LRMDA: variants seen among roughly 807,000 people sequenced by gnomAD.
LRMDA encodes the protein leucine rich melanocyte differentiation associated, also known as leucine-rich melanocyte differentiation-associated protein.
LRMDA carries 18 observed loss-of-function variants against 29.8 expected under a neutral mutation model. The ratio of observed to expected loss-of-function variants is 0.60; its 90% CI spans 0.42 to 0.90. LRMDA has a LOEUF of 0.90. LRMDA is among the 40% of genes least tolerant of loss of function. LRMDA has a pLI of 0.00. For synonymous variants in LRMDA, 125 were observed against 109.4 expected (o/e 1.14, Z -0.89); for missense variants, 273 against 273.9 (o/e 1.00, Z 0.02).
intron 2 of LRMDA, among the ~76,000 whole-genome samples, chr10:75,598,319 C>T (rs1589197893): frequency 6.6e-6 from 1 of 152,106 alleles, no homozygotes; most frequent in Non-Finnish European, 1.5e-5. Flanking sequence ...GTGCTCGTCT[C>T]TCCCTGGGCT....
chr10:76,529,230 T>G (rs1843209242), intron 6 of LRMDA, among the ~76,000 whole-genome samples: 1 of 152,144 alleles, frequency 6.6e-6, no homozygotes, highest in Non-Finnish European at 1.5e-5. Flanking sequence ...ATTCACTGCC[T>G]TTTATGATTG....
intron 6 of LRMDA, among the ~76,000 whole-genome samples, chr10:76,484,689 G>A (rs1470294363): frequency 6.6e-6 from 1 of 151,708 alleles, no homozygotes; most frequent in Non-Finnish European, 1.5e-5. Context: ...ATTCTATTAG[G>A]TTATCTATAT....
chr10:75,702,787 A>T (rs1267949587), intron 2 of LRMDA, among the ~76,000 whole-genome samples: 1 of 152,196 alleles, frequency 6.6e-6, no homozygotes, highest in Non-Finnish European at 1.5e-5. Flanking sequence ...TTCTTAAGTG[A>T]TTCCTTATGA....
intron 6 of LRMDA, among the ~76,000 whole-genome samples, chr10:76,458,617 T>A (rs1027340381): frequency 4.6e-5 from 7 of 152,090 alleles, no homozygotes; most frequent in Admixed American, 3.9e-4. Context: ...TCAGTGGAGC[T>A]CCTTTCTTTA....
intron 6 of LRMDA, among the ~76,000 whole-genome samples, chr10:76,458,804 T>C (rs1214681565): frequency 1.3e-5 from 2 of 151,872 alleles, no homozygotes; most frequent in East Asian, 3.9e-4. Flanking sequence ...TTTAAGGAGG[T>C]CCCTAGTAGG....
intron 2 of LRMDA, among the ~76,000 whole-genome samples, chr10:75,812,507 G>A (rs969362038): frequency 6.6e-6 from 1 of 152,088 alleles, no homozygotes; most frequent in Admixed American, 6.5e-5. Flanking sequence ...CTTCCAAACC[G>A]CAAACTTTCT....
At chr10:76,118,176 A>G (rs1171602660) in intron 5 of LRMDA, among the ~76,000 whole-genome samples, 1 of 152,174 alleles carries the variant, frequency 6.6e-6, no homozygotes, top group Non-Finnish European at 1.5e-5. Flanking sequence ...GACTAATGAT[A>G]CAGTACTGAA....
chr10:76,554,202 T>C (rs377632087), intron 6 of LRMDA, among the ~76,000 whole-genome samples: 9 of 152,244 alleles, frequency 5.9e-5, no homozygotes, highest in Admixed American at 2.6e-4. Context: ...TGGGGAGTGA[T>C]GTCAGCTTTC....
intron 2 of LRMDA, among the ~76,000 whole-genome samples, chr10:75,481,622 CTA>C (rs1347174429): frequency 1.3e-5 from 2 of 152,244 alleles, no homozygotes; most frequent in Non-Finnish European, 2.9e-5. Context: ...CACGCATCCT[CTA>C]TTCCTCAGAG....
chr10:76,369,891 A>C (rs1337372736), intron 6 of LRMDA, among the ~76,000 whole-genome samples: 1 of 152,282 alleles, frequency 6.6e-6, no homozygotes, highest in Non-Finnish European at 1.5e-5. Context: ...CCTTGGTTCA[A>C]CATATCCCAT....
chr10:76,072,169 T>C (rs2132070006), intron 5 of LRMDA, among the ~76,000 whole-genome samples: 1 of 152,326 alleles, frequency 6.6e-6, no homozygotes, highest in Admixed American at 6.5e-5. Context: ...AGACAACTAA[T>C]TATAGCCCCT....
Position 75,561,547 on chromosome 10 carries a change from T to C in LRMDA, c.131+123053T>C, listed in dbSNP as rs952072521. ...CTATTTCCTTCAGTTCTGCTCTGAT[T>C]TTAGTTATTTCTTGCCTTCTGCTAG... On this transcript the variant is annotated intron_variant, in intron 2 of 6. Transcript: ENST00000611255. 1.3e-4 allele frequency among the ~76,000 whole-genome samples: 19 copies of C among 151,858 alleles called. No individual in the cohort carries two copies. In the East Asian group the frequency reaches 3.3e-3, roughly 26 times the overall value.
intron 5 of LRMDA, among the ~76,000 whole-genome samples, chr10:76,294,780 T>C (rs1032479330): frequency 1.7e-4 from 26 of 152,356 alleles, no homozygotes; most frequent in African/African-American, 5.0e-4. Flanking sequence ...TTGGCAGTGT[T>C]TCAAATCAAA....
intron 5 of LRMDA, among the ~76,000 whole-genome samples, chr10:76,108,256 A>G (rs1032225718): frequency 2.6e-5 from 4 of 152,192 alleles, no homozygotes; most frequent in Admixed American, 6.5e-5. Flanking sequence ...ATCTGTCATC[A>G]TAGAGTCACT....
At chr10:76,309,386 G>A (rs530183441) in intron 5 of LRMDA, among the ~76,000 whole-genome samples, 2 of 152,224 alleles carry the variant, frequency 1.3e-5, no homozygotes, top group Admixed American at 6.5e-5. Context: ...ATTAATTGCG[G>A]ACAAGCAGCA....
intron 2 of LRMDA, among the ~76,000 whole-genome samples, chr10:75,769,104 A>G (rs1229737510): frequency 6.6e-6 from 1 of 152,220 alleles, no homozygotes; most frequent in Non-Finnish European, 1.5e-5. Flanking sequence ...AGAAATTGCA[A>G]TCAGAGGTTT....
intron 2 of LRMDA, among the ~76,000 whole-genome samples, chr10:75,846,774 T>A (rs1844645921): frequency 1.3e-5 from 2 of 151,920 alleles, no homozygotes; most frequent in Non-Finnish European, 1.5e-5. Context: ...TATAATAGCA[T>A]CAAAAAGAAT....
intron 5 of LRMDA, among the ~76,000 whole-genome samples, chr10:76,148,790 C>T (rs376427777): frequency 1.3e-5 from 2 of 152,254 alleles, no homozygotes; most frequent in East Asian, 1.9e-4. Context: ...TGCTCACGCT[C>T]GGAGCTGTAG....
At chr10:75,694,532 G>A (rs1032497208) in intron 2 of LRMDA, among the ~76,000 whole-genome samples, 3 of 152,266 alleles carry the variant, frequency 2.0e-5, no homozygotes, top group African/African-American at 4.8e-5. Flanking sequence ...GCAGCATGTT[G>A]CCAACTTTCA....
Sources: allele counts gnomAD v4.1 joint callset (sites outside exome capture counted in the v4.1 genomes callset), GRCh38; gene constraint gnomAD v4.1.1; transcripts MANE v1.5; gene names NCBI Gene and HGNC (gene_info 2026-07-23, HGNC 2026-07-21).